The following GRID1 variants were observed in gnomAD, a reference collection of about 807,000 sequenced individuals.
The protein encoded by GRID1 is glutamate ionotropic receptor delta type subunit 1, also known as glutamate receptor ionotropic, delta-1.
In GRID1, 28 loss-of-function variants were observed where a neutral mutation model predicts 98.0. The observed-to-expected ratio is 0.29, with a 90% CI of 0.21 to 0.39. GRID1 has a LOEUF of 0.39. Among genes scored for constraint, GRID1 ranks in the 10% least tolerant of loss-of-function variants. The pLI is 1.00. For synonymous variants in GRID1, 553 were observed against 538.5 expected (o/e 1.03, Z -0.37); for missense variants, 1,111 against 1,340.5 (o/e 0.83, Z 2.67).
intron 5 of GRID1, 100 bp from the exon 6 acceptor site, chr10:85,869,280 G>A (rs749147078): frequency 3.0e-6 from 3 of 991,912 alleles, no homozygotes; most frequent in Non-Finnish European, 4.8e-6. Flanking sequence ...AAAAGCTGAT[G>A]CCAAAGAGGG....
At chr10:86,246,798 CT>C (rs150713601) in intron 2 of GRID1, among the ~76,000 whole-genome samples, 4,059 of 152,334 alleles carry the variant, frequency 0.027, 65 homozygotes, top group Middle Eastern at 0.068. Flanking sequence ...AGCCAACCCC[CT>C]ACACAGGGCC....
intron 8 of GRID1, among the ~76,000 whole-genome samples, chr10:85,748,796 C>T (rs889053784): frequency 6.6e-6 from 1 of 152,144 alleles, no homozygotes; most frequent in African/African-American, 2.4e-5. Context: ...TAATAGACAA[C>T]TCAGAGTCAA....
At chr10:86,224,608 C>A (rs991876047) in intron 2 of GRID1, among the ~76,000 whole-genome samples, 2 of 152,192 alleles carry the variant, frequency 1.3e-5, no homozygotes, top group African/African-American at 4.8e-5. Flanking sequence ...CTGTCCTGCA[C>A]CTCCATCAAC....
chr10:85,769,199 TC>T (rs1842228805), intron 8 of GRID1, among the ~76,000 whole-genome samples: 2 of 152,228 alleles, frequency 1.3e-5, no homozygotes, highest in Admixed American at 1.3e-4. Flanking sequence ...TAAAATCATG[TC>T]CTTTGCAGCA....
At chr10:85,795,300 C>T (rs1010926815) in intron 8 of GRID1, among the ~76,000 whole-genome samples, 1 of 152,058 alleles carries the variant, frequency 6.6e-6, no homozygotes, top group Admixed American at 6.6e-5. Context: ...CTTCCTGTTC[C>T]TGGGGCAGCC....
intron 14 of GRID1, among the ~76,000 whole-genome samples, chr10:85,614,651 C>G (rs978238636): frequency 6.6e-6 from 1 of 152,048 alleles, no homozygotes; most frequent in African/African-American, 2.4e-5. Flanking sequence ...ATTTAAGAAG[C>G]AGAAAAATGG....
intron 8 of GRID1, among the ~76,000 whole-genome samples, chr10:85,768,247 C>T (rs1161084106): frequency 1.4e-5 from 2 of 145,346 alleles, no homozygotes; most frequent in South Asian, 2.1e-4. Flanking sequence ...ATCCATTTTT[C>T]ACACAACACA....
At chr10:86,150,845 T>A (rs779927097) in intron 3 of GRID1, among the ~76,000 whole-genome samples, 12 of 152,292 alleles carry the variant, frequency 7.9e-5, no homozygotes, top group Non-Finnish European at 1.5e-4. Context: ...GATGGCCAAC[T>A]GCAAACCAGG....
intron 4 of GRID1, among the ~76,000 whole-genome samples, chr10:86,038,335 C>T (rs1012386713): frequency 3.3e-5 from 5 of 152,212 alleles, no homozygotes; most frequent in African/African-American, 1.2e-4. Context: ...AGCTACAAGC[C>T]AGGTACGATT....
At chr10:86,114,248 A>C (rs1259662470) in intron 4 of GRID1, among the ~76,000 whole-genome samples, 2 of 152,000 alleles carry the variant, frequency 1.3e-5, no homozygotes, top group Non-Finnish European at 2.9e-5. Context: ...GCCAGGCTAA[A>C]TCCATGGGGC....
At chr10:86,163,891 C>T (rs574988101) in intron 3 of GRID1, among the ~76,000 whole-genome samples, 2 of 152,304 alleles carry the variant, frequency 1.3e-5, no homozygotes, top group Admixed American at 1.3e-4. Context: ...CAGCACCCCC[C>T]GCTGGTATGT....
At chr10:85,954,876 T>C (rs550908767) in intron 4 of GRID1, among the ~76,000 whole-genome samples, 1 of 152,318 alleles carries the variant, frequency 6.6e-6, no homozygotes, top group Admixed American at 6.5e-5. Context: ...CACGGTGTTG[T>C]GAAATTTAAA....
At chr10:85,649,463 T>C (rs557338095) in intron 12 of GRID1, among the ~76,000 whole-genome samples, 1 of 152,304 alleles carries the variant, frequency 6.6e-6, no homozygotes, top group Admixed American at 6.5e-5. Context: ...TGCCGTAATT[T>C]GCCTGTAATG....
At chr10:85,971,153 G>A (rs1842402115) in intron 4 of GRID1, among the ~76,000 whole-genome samples, 1 of 152,126 alleles carries the variant, frequency 6.6e-6, no homozygotes, top group East Asian at 1.9e-4. Flanking sequence ...GATGCACTTA[G>A]ATGGTTCCCC....
intron 4 of GRID1, among the ~76,000 whole-genome samples, chr10:86,079,498 C>T (rs1192101590): frequency 1.3e-5 from 2 of 152,138 alleles, no homozygotes; most frequent in South Asian, 2.1e-4. Context: ...AATAAAACAT[C>T]CATCAGACCA....
intron 4 of GRID1, among the ~76,000 whole-genome samples, chr10:85,959,545 C>T (rs1842238600): frequency 6.6e-6 from 1 of 151,836 alleles, no homozygotes; most frequent in Non-Finnish European, 1.5e-5. Flanking sequence ...CCGCCCCCAC[C>T]CGAGGCAACC....
chr10:85,643,015 T>G (rs767852915), intron 13 of GRID1, among the ~76,000 whole-genome samples: 10 of 152,096 alleles, frequency 6.6e-5, no homozygotes, highest in African/African-American at 9.7e-5. Flanking sequence ...CGTGGACAAG[T>G]GATCACTCTA....
At chr10:85,966,026 T>G (rs1019726285) in intron 4 of GRID1, among the ~76,000 whole-genome samples, 3 of 152,296 alleles carry the variant, frequency 2.0e-5, no homozygotes, top group South Asian at 4.1e-4. Flanking sequence ...GGGTGGGAAC[T>G]GAGTTTGGAG....
intron 8 of GRID1, among the ~76,000 whole-genome samples, chr10:85,743,139 T>C (rs1419050814): frequency 1.8e-5 from 2 of 113,038 alleles, no homozygotes; most frequent in Non-Finnish European, 1.7e-5. Flanking sequence ...GAACCAATTA[T>C]CTAGGAGAAT....
Sources: gnomAD v4.1 joint callset for allele counts (sites outside exome capture counted in the v4.1 genomes callset) on GRCh38, gnomAD v4.1.1 for gene constraint, MANE v1.5 for transcripts, NCBI Gene and HGNC (gene_info 2026-07-23, HGNC 2026-07-21) for gene names.